The following ADGRV1 variants were observed in gnomAD, a reference collection of about 807,000 sequenced individuals.
ADGRV1 encodes G-protein coupled receptor 98.
ADGRV1 carries 359 observed loss-of-function variants against 596.2 expected under a neutral mutation model. The ratio of observed to expected loss-of-function variants is 0.60; its 90% CI spans 0.55 to 0.66. The LOEUF (loss-of-function observed/expected upper bound fraction) is 0.66. Ranked by LOEUF, ADGRV1 falls within the 30% of genes least tolerant of loss-of-function variation. The probability of loss-of-function intolerance (pLI) is 0.00; values close to 1 mark genes in which losing one functional copy is unlikely to be tolerated. For synonymous variants in ADGRV1, 2,681 were observed against 2,679.2 expected, an observed-to-expected ratio of 1.00 and a Z score of -0.02; for missense variants, 7,274 against 7,575.6, an observed-to-expected ratio of 0.96 and a Z score of 1.48.
At chr5:90,683,518 T>G (rs1745212161) in intron 27 of ADGRV1, 68 bp from the exon 28 acceptor site, 1 of 1,241,762 alleles carries the variant, frequency 8.1e-7, no homozygotes, top group Non-Finnish European at 1.1e-6. Flanking sequence ...CATTAATGTA[T>G]TTATAAGCCT....
intron 83 of ADGRV1, among the ~76,000 whole-genome samples, chr5:90,895,338 CAG>C (rs1052721920): frequency 1.3e-5 from 2 of 152,124 alleles, no homozygotes; most frequent in Non-Finnish European, 2.9e-5. Context: ...CAGTGAAAAT[CAG>C]AGAGTAATTG....
chr5:90,855,204 G>T (rs1188901154), intron 81 of ADGRV1, among the ~76,000 whole-genome samples: 1 of 152,028 alleles, frequency 6.6e-6, no homozygotes, highest in African/African-American at 2.4e-5. Context: ...AAATTAGCCA[G>T]AATTCATAAA....
chr5:90,917,072 A>G (rs192103842), intron 83 of ADGRV1, among the ~76,000 whole-genome samples: 7 of 152,314 alleles, frequency 4.6e-5, no homozygotes, highest in African/African-American at 1.4e-4. Context: ...TCCAGACCAT[A>G]TCGAAAAGAA....
chr5:91,032,557 T>G (rs1359916404), intron 85 of ADGRV1, among the ~76,000 whole-genome samples: 2 of 151,992 alleles, frequency 1.3e-5, no homozygotes, highest in East Asian at 3.9e-4. Flanking sequence ...CCACCTTGTC[T>G]TATCTGTTTT....
At chr5:91,008,595 C>A (rs2151135036) in intron 85 of ADGRV1, among the ~76,000 whole-genome samples, 1 of 152,130 alleles carries the variant, frequency 6.6e-6, no homozygotes, top group East Asian at 1.9e-4. Flanking sequence ...CCTCCACCTC[C>A]CAGGTTCAAG....
At chr5:90,967,907 C>T (rs925961326) in intron 84 of ADGRV1, among the ~76,000 whole-genome samples, 5 of 152,150 alleles carry the variant, frequency 3.3e-5, no homozygotes, top group Non-Finnish European at 5.9e-5. Flanking sequence ...ACCTAGGTTG[C>T]GTTGATAGCA....
chr5:90,994,233 T>G (rs1781224534), intron 85 of ADGRV1, among the ~76,000 whole-genome samples: 1 of 151,958 alleles, frequency 6.6e-6, no homozygotes, highest in Non-Finnish European at 1.5e-5. Flanking sequence ...CAGCTAATTT[T>G]TATATTTTTA....
intron 12 of ADGRV1, 27 bp downstream of exon 12, chr5:90,642,789 T>C (rs372201039): frequency 1.2e-6 from 2 of 1,608,516 alleles, no homozygotes; most frequent in Non-Finnish European, 1.7e-6. Context: ...CTTCCATTTA[T>C]TCTGTGCTCA....
At chr5:90,787,155 A>G (rs1759539793) in intron 67 of ADGRV1, among the ~76,000 whole-genome samples, 1 of 152,172 alleles carries the variant, frequency 6.6e-6, no homozygotes, top group Admixed American at 6.5e-5. Flanking sequence ...TCAAGAAGGA[A>G]ATAGTCAGCT....
At chr5:91,154,900 C>T (rs1796349604) in intron 89 of ADGRV1, among the ~76,000 whole-genome samples, 1 of 152,040 alleles carries the variant, frequency 6.6e-6, no homozygotes, top group Non-Finnish European at 1.5e-5. Flanking sequence ...CGTGGTCCTG[C>T]CCACCACACG....
At chr5:90,667,597 T>G (rs1771661198) in intron 21 of ADGRV1, among the ~76,000 whole-genome samples, 1 of 150,478 alleles carries the variant, frequency 6.6e-6, no homozygotes, top group Non-Finnish European at 1.5e-5. Context: ...GTCTGAAGCC[T>G]TCTTCTCTCA....
intron 48 of ADGRV1, among the ~76,000 whole-genome samples, chr5:90,726,816 A>G (rs748871778): frequency 1.4e-4 from 21 of 152,134 alleles, no homozygotes; most frequent in South Asian, 4.2e-4. Context: ...ACTTTTATCA[A>G]TCCTGTGGTT....
At chr5:91,040,640 G>A (rs560970122) in intron 85 of ADGRV1, among the ~76,000 whole-genome samples, 1 of 152,258 alleles carries the variant, frequency 6.6e-6, no homozygotes, top group South Asian at 2.1e-4. Flanking sequence ...TAGCTGCTGT[G>A]TTTTCAGTGA....
intron 77 of ADGRV1, among the ~76,000 whole-genome samples, chr5:90,837,909 G>A (rs1473189650): frequency 2.0e-5 from 3 of 152,026 alleles, no homozygotes; most frequent in Non-Finnish European, 4.4e-5. Context: ...CCACCTTGCA[G>A]ATAATTTATA....
chr5:91,146,112 C>G lies in ADGRV1; in HGVS notation c.18433-3918C>G, dbSNP rs541247067. On this transcript the variant is annotated intron_variant, in intron 87 of 89. Coordinates refer to ENST00000405460, the MANE Select transcript of ADGRV1 (RefSeq NM_032119.4). ...GTTTTCTGAAAAATCTTGATGTTAA[C>G]TCCTTTTCCTCTTTAATGAGCTGAA... is the stretch of plus-strand genomic sequence containing the variant. 5.9e-5 allele frequency among the ~76,000 whole-genome samples: 9 copies of G among 152,284 alleles called. No individual in the cohort carries two copies. In the South Asian group the frequency reaches 1.7e-3, roughly 28 times the overall value.
chr5:90,798,495 G>A (rs1036333145), intron 70 of ADGRV1, among the ~76,000 whole-genome samples: 4 of 152,114 alleles, frequency 2.6e-5, no homozygotes, highest in African/African-American at 9.7e-5. Context: ...TCTACCAGAG[G>A]TACAAAGAGG....
At chr5:90,822,502 A>G (rs1214573443) in intron 75 of ADGRV1, among the ~76,000 whole-genome samples, 9 of 152,114 alleles carry the variant, frequency 5.9e-5, no homozygotes, top group Admixed American at 5.9e-4. Flanking sequence ...CTGTTTTGGT[A>G]CCAGTACCAT....
chr5:90,848,153 G>T (rs575301726), intron 78 of ADGRV1, among the ~76,000 whole-genome samples: 1 of 152,224 alleles, frequency 6.6e-6, no homozygotes, highest in African/African-American at 2.4e-5. Context: ...ATCTTGAAAA[G>T]GATTTTCTCA....
chr5:90,750,791 G>A (rs866857974), intron 53 of ADGRV1, 94 bp downstream of exon 53: 6 of 908,926 alleles, frequency 6.6e-6, no homozygotes, highest in Middle Eastern at 4.8e-4. Context: ...AAGTGTTTGA[G>A]TTTGACCATA....
Sources: gnomAD v4.1 joint callset for allele counts (sites outside exome capture counted in the v4.1 genomes callset) on GRCh38, gnomAD v4.1.1 for gene constraint, MANE v1.5 for transcripts, NCBI Gene and HGNC (gene_info 2026-07-23, HGNC 2026-07-21) for gene names.